LRP1B: variants seen among roughly 807,000 people sequenced by gnomAD.
The protein encoded by LRP1B is low-density lipoprotein receptor-related protein 1B.
Under a neutral mutation model 556.6 loss-of-function variants are expected in LRP1B, and 217 were observed. The ratio of observed to expected loss-of-function variants is 0.39; its 90% CI spans 0.35 to 0.44. The LOEUF (loss-of-function observed/expected upper bound fraction) is 0.44, where lower values mean the gene tolerates loss of function less well. Ranked by LOEUF, LRP1B falls within the 20% of genes least tolerant of loss-of-function variation. LRP1B has a pLI of 1.00. For synonymous variants in LRP1B, 2,047 were observed against 1,865.8 expected, an observed-to-expected ratio of 1.10 and a Z score of -2.50; for missense variants, 5,053 against 5,620.8, an observed-to-expected ratio of 0.90 and a Z score of 3.23.
chr2:142,077,905 C>T (rs570251488), intron 1 of LRP1B, among the ~76,000 whole-genome samples: 2 of 152,132 alleles, frequency 1.3e-5, no homozygotes, highest in African/African-American at 2.4e-5. Flanking sequence ...TTTACAGAAC[C>T]GTATTACTCG....
intron 32 of LRP1B, among the ~76,000 whole-genome samples, chr2:140,805,995 T>C (rs1207583501): frequency 6.6e-6 from 1 of 152,056 alleles, no homozygotes; most frequent in Non-Finnish European, 1.5e-5. Flanking sequence ...TGGAAGGTAA[T>C]TTGGTCATGA....
intron 3 of LRP1B, among the ~76,000 whole-genome samples, chr2:141,385,470 G>A (rs1689797860): frequency 6.6e-6 from 1 of 152,072 alleles, no homozygotes; most frequent in African/African-American, 2.4e-5. Flanking sequence ...AACTCGTGTT[G>A]CTTATACTGC....
At chr2:141,340,270 C>T (rs1262985527) in intron 3 of LRP1B, among the ~76,000 whole-genome samples, 1 of 152,226 alleles carries the variant, frequency 6.6e-6, no homozygotes, top group Non-Finnish European at 1.5e-5. Context: ...AATTTTATTA[C>T]AAGCCTCATG....
intron 41 of LRP1B, among the ~76,000 whole-genome samples, chr2:140,661,234 A>G (rs1244786582): frequency 6.6e-6 from 1 of 152,162 alleles, no homozygotes; most frequent in Non-Finnish European, 1.5e-5. Flanking sequence ...AAAAAACATG[A>G]TAGGGATATA....
At chr2:141,889,224 A>G (rs552969300) in intron 1 of LRP1B, among the ~76,000 whole-genome samples, 2 of 152,266 alleles carry the variant, frequency 1.3e-5, no homozygotes, top group South Asian at 4.1e-4. Flanking sequence ...CATAAATAAG[A>G]AAAAATGGAA....
intron 3 of LRP1B, among the ~76,000 whole-genome samples, chr2:141,329,931 C>G (rs2714182): frequency 0.57 from 86,333 of 151,778 alleles, 25,641 homozygotes; most frequent in African/African-American, 0.7. Context: ...CTACGCTCAA[C>G]GCATTTGATT....
chr2:141,352,069 C>A (rs1688465826), intron 3 of LRP1B, among the ~76,000 whole-genome samples: 1 of 151,734 alleles, frequency 6.6e-6, no homozygotes, highest in Admixed American at 6.6e-5. Flanking sequence ...GAGAGGTAAA[C>A]AGAAAGATGG....
At chr2:141,358,835 T>A (rs1362670723) in intron 3 of LRP1B, among the ~76,000 whole-genome samples, 1 of 152,162 alleles carries the variant, frequency 6.6e-6, no homozygotes, top group African/African-American at 2.4e-5. Context: ...CATAAATGGA[T>A]ACATATAAAA....
chr2:141,220,472 A>G (rs1424325650), intron 6 of LRP1B, among the ~76,000 whole-genome samples: 6 of 152,156 alleles, frequency 3.9e-5, no homozygotes, highest in African/African-American at 1.4e-4. Flanking sequence ...GACAGGGAGA[A>G]TGGAACTAAG....
chr2:141,675,083 C>T (rs983472293), intron 2 of LRP1B, among the ~76,000 whole-genome samples: 2 of 150,984 alleles, frequency 1.3e-5, no homozygotes, highest in Non-Finnish European at 3.0e-5. Context: ...TATATTTTGC[C>T]CTATTATTTT....
intron 42 of LRP1B, among the ~76,000 whole-genome samples, chr2:140,599,866 C>G (rs1264924168): frequency 6.6e-6 from 1 of 151,892 alleles, no homozygotes; most frequent in African/African-American, 2.4e-5. Context: ...AGTAACTGAG[C>G]CAAATTTTAA....
At chr2:141,174,898 T>C (rs1478894688) in intron 7 of LRP1B, among the ~76,000 whole-genome samples, 1 of 152,060 alleles carries the variant, frequency 6.6e-6, no homozygotes, top group Non-Finnish European at 1.5e-5. Flanking sequence ...AAATGGACAA[T>C]GAACCCCAGG....
intron 1 of LRP1B, among the ~76,000 whole-genome samples, chr2:142,100,504 C>A (rs1029661972): frequency 9.9e-5 from 15 of 151,928 alleles, no homozygotes; most frequent in Non-Finnish European, 1.8e-4. Flanking sequence ...CCTTTCATTT[C>A]TTTGGGAAGT....
chr2:142,112,211 C>T (rs939998945), intron 1 of LRP1B, among the ~76,000 whole-genome samples: 2 of 151,822 alleles, frequency 1.3e-5, no homozygotes, highest in African/African-American at 2.4e-5. Flanking sequence ...ATCTAGTTTA[C>T]AGAAAATATC....
At chr2:140,242,808 A>G (rs1417218124) in intron 87 of LRP1B, among the ~76,000 whole-genome samples, 1 of 151,180 alleles carries the variant, frequency 6.6e-6, no homozygotes, top group Non-Finnish European at 1.5e-5. Flanking sequence ...TGGAAAGCAG[A>G]GGTGAGATTA....
chr2:141,360,352 T>C (rs1688778896), intron 3 of LRP1B, among the ~76,000 whole-genome samples: 1 of 152,236 alleles, frequency 6.6e-6, no homozygotes, highest in African/African-American at 2.4e-5. Context: ...GTTTATTCAG[T>C]ATTAAAAGTT....
intron 7 of LRP1B, among the ~76,000 whole-genome samples, chr2:141,072,677 C>G (rs1189626439): frequency 6.6e-6 from 1 of 151,994 alleles, no homozygotes; most frequent in Non-Finnish European, 1.5e-5. Context: ...TTCTCACCAG[C>G]CTTCAACTTT....
At chr2:141,909,480 C>G (rs1699845594) in intron 1 of LRP1B, among the ~76,000 whole-genome samples, 1 of 146,764 alleles carries the variant, frequency 6.8e-6, no homozygotes, top group Non-Finnish European at 1.5e-5. Context: ...CATGGGGTAA[C>G]TGGTTCAGGC....
At chr2:141,643,844 T>C (rs1464217944) in intron 2 of LRP1B, among the ~76,000 whole-genome samples, 1 of 152,122 alleles carries the variant, frequency 6.6e-6, no homozygotes, top group Non-Finnish European at 1.5e-5. Context: ...CTTCTCTAAT[T>C]CTTAGCAGCA....
Sources: allele counts gnomAD v4.1 joint callset (sites outside exome capture counted in the v4.1 genomes callset), GRCh38; gene constraint gnomAD v4.1.1; transcripts MANE v1.5; gene names NCBI Gene and HGNC (gene_info 2026-07-23, HGNC 2026-07-21).